PRDM10: variants seen among roughly 807,000 people sequenced by gnomAD.
The protein encoded by PRDM10 is PR domain zinc finger protein 10.
PRDM10 carries 65 observed loss-of-function variants against 133.1 expected under a neutral mutation model. The observed-to-expected ratio is 0.49, with a 90% CI of 0.40 to 0.60. PRDM10 has a LOEUF of 0.60. Ranked by LOEUF, PRDM10 falls within the 20% of genes least tolerant of loss-of-function variation. The pLI, the probability that PRDM10 is intolerant of heterozygous loss-of-function variation, is 0.00. For missense variants in PRDM10, 1,137 were observed against 1,507.1 expected, an observed-to-expected ratio of 0.75 and a Z score of 4.07; for synonymous variants, 582 against 580.4, an observed-to-expected ratio of 1.00 and a Z score of -0.04.
At chr11:129,988,924 C>T (rs1478054006) in intron 1 of PRDM10, among the ~76,000 whole-genome samples, 3 of 152,080 alleles carry the variant, frequency 2.0e-5, no homozygotes, top group Non-Finnish European at 4.4e-5. Flanking sequence ...CCACTGCGCC[C>T]GGCCAAGTCA....
chr11:129,904,122 G>A (rs980535762), intron 20 of PRDM10, among the ~76,000 whole-genome samples: 10 of 141,184 alleles, frequency 7.1e-5, no homozygotes, highest in East Asian at 4.2e-4. Context: ...ATGTGACCTC[G>A]TGTGCTGAGA....
At chr11:129,938,595 T>C (rs939667901) in intron 7 of PRDM10, among the ~76,000 whole-genome samples, 3 of 152,210 alleles carry the variant, frequency 2.0e-5, no homozygotes, top group African/African-American at 7.2e-5. Flanking sequence ...GCCTCTCCTT[T>C]TCTCTGCAAT....
At chr11:129,932,018 G>A in intron 10 of PRDM10, 84 bp downstream of exon 10, 9 of 1,461,934 alleles carry the variant, frequency 6.2e-6, no homozygotes, top group Non-Finnish European at 8.3e-6. Flanking sequence ...ACATTGGGAA[G>A]GTCTTTGTAC....
chr11:129,970,210 G>A (rs1358042486), intron 1 of PRDM10, among the ~76,000 whole-genome samples: 7 of 152,182 alleles, frequency 4.6e-5, no homozygotes, highest in Non-Finnish European at 8.8e-5. Context: ...AGGGAACTCT[G>A]GCACATGCTT....
At chr11:129,909,041 C>T (rs1950100523) in intron 19 of PRDM10, among the ~76,000 whole-genome samples, 1 of 152,012 alleles carries the variant, frequency 6.6e-6, no homozygotes, top group African/African-American at 2.4e-5. Flanking sequence ...GCTCCACTCT[C>T]TTTCACAGGA....
At position 129,931,024 on chromosome 11, in the gene PRDM10, G is replaced by C; in HGVS notation, c.1522C>G (p.Arg508Gly). 3 of 1,609,850 alleles carry C rather than the reference G, an allele frequency of 1.9e-6. No homozygotes were observed. The highest frequency in any genetic ancestry group is 2.5e-6 in the Non-Finnish European group (3 of 1,177,942). The change falls in exon 11 of 21, where the codon CGC (arginine) becomes GGC (glycine). Residue 508 changes from arginine to glycine, a missense_variant. Around this residue, in one of 6 missense-constraint regions of PRDM10, gnomAD observed 635 missense variants for 835.2 expected, o/e 0.76. Coordinates refer to ENST00000360871, the MANE Select transcript of PRDM10 (RefSeq NM_199437.2). ...LTADDMRRAKRIRNAALQHLF... is the reference protein window; with the variant it reads ...LTADDMRRAKGIRNAALQHLF... ...CGGCTTTCCCCACTTACTCGGATGC[G>C]CTTGGCTCTGCGCATGTCGTCGGCT...
intron 11 of PRDM10, among the ~76,000 whole-genome samples, chr11:129,930,238 A>G (rs954625294): frequency 2.6e-5 from 4 of 152,230 alleles, no homozygotes; most frequent in Non-Finnish European, 4.4e-5. Context: ...GAAAGTACCA[A>G]TATGTCTTTA....
chr11:129,927,796 C>T (rs1950728586), intron 11 of PRDM10, among the ~76,000 whole-genome samples: 1 of 152,144 alleles, frequency 6.6e-6, no homozygotes, highest in Admixed American at 6.5e-5. Context: ...ACTGTCCCCA[C>T]CCGTTGACCC....
chr11:129,938,246 C>T (rs1951096529), intron 7 of PRDM10, among the ~76,000 whole-genome samples: 1 of 152,052 alleles, frequency 6.6e-6, no homozygotes, highest in African/African-American at 2.4e-5. Flanking sequence ...CTAATGAATC[C>T]CAAATTAATA....
chr11:129,939,362 G>T (rs1314321040), intron 7 of PRDM10, among the ~76,000 whole-genome samples: 1 of 152,068 alleles, frequency 6.6e-6, no homozygotes, highest in African/African-American at 2.4e-5. Context: ...TTTTACTGTG[G>T]AATAATAGTC....
rs1266315431 is a variant in PRDM10 at position 129,905,707 on chromosome 11, A to C, written c.3198T>G (p.Gly1066=). The change falls in exon 20 of 21, where the codon GGT becomes GGG. Residue 1066 remains glycine (G), a synonymous_variant. Transcript: ENST00000360871. ...CACCACTGTCTGTAATCACAAACTG[A>C]CCCGGAGGAAGCGTCATCATTTGAA... The part of the protein sequence containing the change: ...SEIQMMTLPP[G]QFVITDSGVA... The C allele has an allele frequency of 6.2e-7, 1 of 1,614,134 alleles. No homozygotes were observed. The highest frequency in any genetic ancestry group is 1.7e-5 in the Admixed American group (1 of 60,010).
chr11:129,987,932 C>T (rs1352340643), intron 1 of PRDM10, among the ~76,000 whole-genome samples: 2 of 152,014 alleles, frequency 1.3e-5, no homozygotes, highest in East Asian at 1.9e-4. Flanking sequence ...ACCCAGGAGG[C>T]GGAGCTTGCA....
At chr11:129,961,571 G>A (rs1038844322) in intron 1 of PRDM10, among the ~76,000 whole-genome samples, 1 of 151,086 alleles carries the variant, frequency 6.6e-6, no homozygotes, top group African/African-American at 2.4e-5. Flanking sequence ...CTCCCAAAGC[G>A]CTGGGATTAC....
chr11:129,964,043 G>A (rs1294421754), intron 1 of PRDM10, among the ~76,000 whole-genome samples: 1 of 152,180 alleles, frequency 6.6e-6, no homozygotes, highest in East Asian at 1.9e-4. Flanking sequence ...TTTGTCTGAT[G>A]TTTCTTCATG....
intron 1 of PRDM10, among the ~76,000 whole-genome samples, chr11:129,986,283 G>A (rs1222915527): frequency 1.3e-5 from 2 of 152,074 alleles, no homozygotes; most frequent in Non-Finnish European, 2.9e-5. Context: ...AGCAGGCTGT[G>A]GCAAGTCCTT....
intron 16 of PRDM10, 75 bp downstream of exon 16, chr11:129,915,585 T>G: frequency 3.9e-4 from 579 of 1,467,350 alleles, no homozygotes; most frequent in Non-Finnish European, 4.8e-4. Context: ...GCCATGTGGA[T>G]GAGAAGCCAC....
chr11:129,910,759 T>C (rs73575361), intron 18 of PRDM10, 103 bp from the exon 19 acceptor site: 1 of 1,060,434 alleles, frequency 9.4e-7, no homozygotes, highest in African/African-American at 1.6e-5. Context: ...TGAATTATAA[T>C]ACTGAAACTA....
intron 2 of PRDM10, among the ~76,000 whole-genome samples, chr11:129,958,668 G>T (rs1256486989): frequency 6.6e-6 from 1 of 151,940 alleles, no homozygotes; most frequent in African/African-American, 2.4e-5. Flanking sequence ...AATAAAATCA[G>T]GTCACTTTCT....
At chr11:130,002,285 A>C (rs1352513711) in intron 1 of PRDM10, among the ~76,000 whole-genome samples, 1 of 150,870 alleles carries the variant, frequency 6.6e-6, no homozygotes, top group Admixed American at 6.6e-5. Context: ...GCAGGGGAGG[A>C]GAGGTGCGCG....
Sources: allele counts gnomAD v4.1 joint callset (sites outside exome capture counted in the v4.1 genomes callset), GRCh38; gene constraint gnomAD v4.1.1; regional missense constraint gnomAD v4.1.1; transcripts MANE v1.5; gene names NCBI Gene and HGNC (gene_info 2026-07-23, HGNC 2026-07-21).